ARHGEF16: variants seen among roughly 807,000 people sequenced by gnomAD.
ARHGEF16 encodes the protein Rho guanine nucleotide exchange factor 16.
A neutral mutation model predicts 74.1 loss-of-function variants in ARHGEF16; 59 were observed. The observed-to-expected ratio is 0.80, with a 90% CI of 0.65 to 0.99. The LOEUF (loss-of-function observed/expected upper bound fraction) is 0.99, where lower values mean the gene tolerates loss of function less well. ARHGEF16 is among the 50% of genes least tolerant of loss of function. ARHGEF16 has a pLI of 0.00. For synonymous variants in ARHGEF16, 415 were observed against 412.6 expected (o/e 1.01, Z -0.07); for missense variants, 948 against 986.6 (o/e 0.96, Z 0.52).
chr1:3,456,841 C>T (rs554263624), intron 1 of ARHGEF16, among the ~76,000 whole-genome samples: 3 of 152,208 alleles, frequency 2.0e-5, no homozygotes, highest in Non-Finnish European at 4.4e-5. Context: ...CATTCAGAGC[C>T]GGAGCTGGGG....
chr1:3,461,207 A>T lies in ARHGEF16; in HGVS notation c.-19-1859A>T, dbSNP rs72852404. Reference sequence around the variant, plus strand: ...TTTTTAAAAGGGAAAGAATGAAAGCAGCGAGTTTTCTCCATGTCGTTACCT... The same window carrying T: ...TTTTTAAAAGGGAAAGAATGAAAGCTGCGAGTTTTCTCCATGTCGTTACCT... On this transcript the variant is annotated intron_variant, in intron 1 of 14. Coordinates refer to ENST00000378378, the MANE Select transcript of ARHGEF16 (RefSeq NM_014448.4). 3.3e-5 allele frequency among the ~76,000 whole-genome samples: 5 copies of T among 152,362 alleles called. No individual in the cohort carries two copies. The South Asian group carries it at 8.3e-4, about 25-fold the overall frequency.
chr1:3,473,644 T>C (rs1285962180), intron 8 of ARHGEF16, 122 bp downstream of exon 8: 6 of 1,482,826 alleles, frequency 4.0e-6, no homozygotes, highest in East Asian at 4.6e-5. Flanking sequence ...CCTATGATAT[T>C]GTAATAGTTA....
In ARHGEF16 at chr1:3,463,133, C is replaced by T. The variant is rs531725545; in HGVS notation, c.49C>T (p.His17Tyr). Residue 17 changes from histidine (H) to tyrosine (Y), a missense_variant, in exon 2 of 15, where the codon CAC (histidine) becomes TAC (tyrosine). By Grantham distance (83) the His-to-Tyr change is moderately conservative. Coordinates refer to ENST00000378378, the MANE Select transcript of ARHGEF16 (RefSeq NM_014448.4). ...DSSLEEKLLGHRFHSELRLDA... is the reference protein window; with the variant it reads ...DSSLEEKLLGYRFHSELRLDA... ...CTCCTTGGAGGAGAAGCTCCTGGGA[C>T]ACCGCTTCCACTCGGAGCTCCGGCT... 8.6e-5 allele frequency: 127 copies of T among 1,482,670 alleles called. No homozygotes were observed. Among genetic ancestry groups the T allele is most frequent in the East Asian group, 2.2e-4 (9 of 40,246 alleles). 91.8% of individuals were successfully genotyped at this position (1,482,670 alleles called of 1,614,324 possible). A position where few individuals can be genotyped will look rare whatever the true frequency, so the allele number is the denominator to read the frequency against.
chr1:3,473,568 T>TC lies in ARHGEF16; in HGVS notation c.1305+49dup, dbSNP rs1433492484. The TC allele has an allele frequency of 1.9e-6, 3 of 1,599,700 alleles. No individual in the cohort carries two copies. In the South Asian group the frequency reaches 3.3e-5, roughly 18 times the overall value. On this transcript the variant is annotated intron_variant, in intron 8 of 14. Coordinates refer to ENST00000378378, the MANE Select transcript of ARHGEF16 (RefSeq NM_014448.4). ...TGGGGCCGGGCATACCATCCTGGGG[T>TC]CCCACGGCCAGAGCCCTGCCCCGGA...
intron 10 of ARHGEF16, among the ~76,000 whole-genome samples, 179 bp downstream of exon 10, chr1:3,476,241 C>T (rs1156507776): frequency 6.6e-6 from 1 of 152,156 alleles, no homozygotes; most frequent in Non-Finnish European, 1.5e-5. Context: ...GCCTCAGTCT[C>T]CCGATCTGGG....
intron 4 of ARHGEF16, among the ~76,000 whole-genome samples, 165 bp downstream of exon 4, chr1:3,467,502 C>T (rs1005603068): frequency 8.5e-5 from 13 of 152,198 alleles, no homozygotes; most frequent in Admixed American, 5.9e-4. Flanking sequence ...GGGTGGCAGA[C>T]CTGGGGGTCT....
chr1:3,460,984 G>C (rs1402479527), intron 1 of ARHGEF16, among the ~76,000 whole-genome samples: 1 of 152,254 alleles, frequency 6.6e-6, no homozygotes, highest in East Asian at 1.9e-4. Flanking sequence ...CTCCAAAGGT[G>C]CTAATCCAGG....
intron 11 of ARHGEF16, 113 bp from the exon 12 acceptor site, chr1:3,478,311 C>A (rs780687079): frequency 1.8e-4 from 219 of 1,209,410 alleles, no homozygotes; most frequent in Non-Finnish European, 2.4e-4. Context: ...GGAGCCCGTC[C>A]GTGGCTGCCT....
At chr1:3,458,200 C>T (rs548572543) in intron 1 of ARHGEF16, among the ~76,000 whole-genome samples, 103 of 152,346 alleles carry the variant, frequency 6.8e-4, no homozygotes, top group Non-Finnish European at 4.9e-4. Flanking sequence ...GTCCCTGCCC[C>T]GCAAGGGCTC....
chr1:3,463,464 C>T lies in ARHGEF16; in HGVS notation c.380C>T (p.Ala127Val). 1.3e-6 allele frequency: 2 copies of T among 1,533,720 alleles called. No homozygotes were observed. Residue 127 changes from alanine (A) to valine (V), a missense_variant, in exon 2 of 15, where the codon GCC becomes GTC. Coordinates refer to ENST00000378378, the MANE Select transcript of ARHGEF16 (RefSeq NM_014448.4). Reference sequence around the variant, plus strand: ...CGGCGGGACCCTAAGCTCCTCCCAGCCCCCAGCTTCTCCCTGGATGACATG... The same window carrying T: ...CGGCGGGACCCTAAGCTCCTCCCAGTCCCCAGCTTCTCCCTGGATGACATG... ...AARRDPKLLPAPSFSLDDMDV... is the reference protein window; with the variant it reads ...AARRDPKLLPVPSFSLDDMDV...
chr1:3,474,711 C>T lies in ARHGEF16; in HGVS notation c.1309C>T (p.Leu437Phe), dbSNP rs761529641. The change falls in exon 9 of 15, where the codon CTC (leucine) becomes TTC (phenylalanine). Residue 437 changes from leucine to phenylalanine, a missense_variant. Coordinates refer to ENST00000378378, the MANE Select transcript of ARHGEF16 (RefSeq NM_014448.4). ...VTRLPLLMDT[L>F]CLKTQGHSER... ...CCCATGTCTGTTGTCCATCCAGACG[C>T]TCTGCCTCAAGACCCAGGGCCACTC... The T allele has an allele frequency of 1.9e-6, 3 of 1,612,838 alleles. No homozygotes were observed. Among genetic ancestry groups the T allele is most frequent in the Non-Finnish European group, 2.5e-6 (3 of 1,179,912 alleles).
chr1:3,473,203 A>G lies in ARHGEF16; in HGVS notation c.1148A>G (p.Tyr383Cys), dbSNP rs1304325364. 5 of 1,613,158 alleles carry G rather than the reference A, an allele frequency of 3.1e-6. No homozygotes were observed. Among genetic ancestry groups the G allele is most frequent in the Non-Finnish European group, 4.2e-6 (5 of 1,179,978 alleles). ...PYIAYCSNEV[Y>C]QQRTLQKLIS... ...ATCGCCTACTGCTCCAACGAGGTCT[A>G]CCAACAGCGCACGCTGCAGAAGCTG... is the stretch of plus-strand genomic sequence containing the variant. Residue 383 changes from tyrosine to cysteine, a missense_variant, in exon 7 of 15, where the codon TAC becomes TGC. Transcript: ENST00000378378.
chr1:3,456,480 G>A (rs1557684062), intron 1 of ARHGEF16, among the ~76,000 whole-genome samples: 2 of 152,218 alleles, frequency 1.3e-5, no homozygotes, highest in African/African-American at 2.4e-5. Flanking sequence ...CCCTGGCTGA[G>A]GCCAGAACCC....
chr1:3,455,426 T>G (rs1267061458), intron 1 of ARHGEF16, among the ~76,000 whole-genome samples: 1 of 151,824 alleles, frequency 6.6e-6, no homozygotes, highest in Non-Finnish European at 1.5e-5. Context: ...AGAAGGGAGA[T>G]GGGGAGGGGG....
rs748569108 is a variant in ARHGEF16, at chr1:3,480,793, C to T, written c.*206C>T. 7.1e-6 allele frequency: 5 copies of T among 701,624 alleles called. No homozygotes were observed. Among genetic ancestry groups the T allele is most frequent in the East Asian group, 2.8e-5 (1 of 35,532 alleles). The allele number at this position is 701,624 out of a possible 1,614,324, so 43.5% of individuals were successfully genotyped here. A position where few individuals can be genotyped will look rare whatever the true frequency, so the allele number is the denominator to read the frequency against. On this transcript the variant is annotated 3_prime_UTR_variant, in exon 15 of 15. Transcript: ENST00000378378. ...CCAGAGAGGCACCCCCAGGCAAGCTCGAGGGGGCCACACCGTGTCCCAGGG... is the reference window on the plus strand; with the variant it reads ...CCAGAGAGGCACCCCCAGGCAAGCTTGAGGGGGCCACACCGTGTCCCAGGG...
In ARHGEF16 at chr1:3,476,039, C is replaced by T; in HGVS notation, c.1450C>T (p.Gln484Ter). 1 of 1,554,910 alleles carries T rather than the reference C, an allele frequency of 6.4e-7. No homozygotes were observed. Among genetic ancestry groups the T allele is most frequent in the Non-Finnish European group, 8.7e-7 (1 of 1,149,194 alleles). ...GGAGCAGATGTACACGCTGCACACA[C>T]AGCTGGACTTCAGCAAGGTCAAGGT... ...RMEQMYTLHTQLDFSKVKSLP... is the reference protein window; with the variant it reads ...RMEQMYTLHT The change falls in exon 10 of 15, where the codon CAG (glutamine) becomes TAG (stop). Residue 484 changes from glutamine (Q) to a stop codon, truncating the protein, a stop_gained. Transcript: ENST00000378378. LOFTEE classifies it high-confidence loss of function.
chr1:3,463,232 T>C lies in ARHGEF16; in HGVS notation c.148T>C (p.Phe50Leu). 6.5e-7 allele frequency: 1 copy of C among 1,547,546 alleles called. No individual in the cohort carries two copies. The highest frequency in any genetic ancestry group is 8.7e-7 in the Non-Finnish European group (1 of 1,144,932). ...GSPRVRDDAA[F>L]QPQVPAPPQP... ...CCCGCGTGTTAGAGACGATGCCGCC[T>C]TCCAGCCCCAGGTCCCGGCACCCCC... The change falls in exon 2 of 15, where the codon TTC (phenylalanine) becomes CTC (leucine). Residue 50 changes from phenylalanine to leucine, a missense_variant. Coordinates refer to ENST00000378378, the MANE Select transcript of ARHGEF16 (RefSeq NM_014448.4).
rs2100763871 is a variant in ARHGEF16 at position 3,479,883 on chromosome 1, G to A, written c.1960G>A (p.Asp654Asn). The change falls in exon 14 of 15, where the codon GAC becomes AAC. Residue 654 changes from aspartate (D) to asparagine (N), a missense_variant. Coordinates refer to ENST00000378378, the MANE Select transcript of ARHGEF16 (RefSeq NM_014448.4). ...QADEVTLQQADVVLVLQQEDG... is the reference protein window; with the variant it reads ...QADEVTLQQANVVLVLQQEDG... Reference sequence around the variant, plus strand: ...AGACGAGGTCACACTGCAGCAGGCGGACGTGGTCCTGGTTCTGCAGCAGGA... The same window carrying A: ...AGACGAGGTCACACTGCAGCAGGCGAACGTGGTCCTGGTTCTGCAGCAGGA... The A allele has an allele frequency of 6.2e-7, 1 of 1,612,326 alleles. No homozygotes were observed. The highest frequency in any genetic ancestry group is 1.1e-5 in the South Asian group (1 of 91,076).
chr1:3,463,785 C>T lies in ARHGEF16; in HGVS notation c.588+113C>T, dbSNP rs764361781. 6.6e-6 allele frequency: 6 copies of T among 902,282 alleles called. 1 individual carries two copies. In the South Asian group the frequency reaches 2.3e-4, roughly 34 times the overall value. The allele number at this position is 902,282 out of a possible 1,614,324, so 55.9% of individuals were successfully genotyped here. A position where few individuals can be genotyped will look rare whatever the true frequency, so the allele number is the denominator to read the frequency against. On this transcript the variant is annotated intron_variant, in intron 2 of 14. Coordinates refer to ENST00000378378, the MANE Select transcript of ARHGEF16 (RefSeq NM_014448.4). ...CATGGCAGCTGCCGTTAGTAAGCAC[C>T]TGCTGCATGAGGGCTCTCGACTGGT...
Sources: gnomAD v4.1 joint callset for allele counts (sites outside exome capture counted in the v4.1 genomes callset) on GRCh38, gnomAD v4.1.1 for gene constraint, MANE v1.5 for transcripts, NCBI Gene and HGNC (gene_info 2026-07-23, HGNC 2026-07-21) for gene names.